Variants in CD180 observed in about 807,000 individuals in gnomAD.
The protein encoded by CD180 is CD180 molecule, also known as CD180 antigen.
In CD180, 11 loss-of-function variants were observed where a neutral mutation model predicts 10.7. The observed-to-expected ratio is 1.03, with a 90% CI of 0.65 to 1.70. CD180 has a LOEUF of 1.70. CD180 is among the 40% of genes most tolerant of loss of function. The pLI is 0.00. For synonymous variants in CD180, 286 were observed against 294.6 expected (o/e 0.97, Z 0.30); for missense variants, 729 against 775.2 (o/e 0.94, Z 0.71).
rs1017490160 is a variant in CD180 at position 67,182,552 on chromosome 5, G to A, written c.*305C>T. On this transcript the variant is annotated 3_prime_UTR_variant, in exon 3 of 3. Transcript: ENST00000256447. ...GAATGGCCTCCCTGTGGGAGACTCCGGGGCCGGCAGTCCCTGCCCAGTCCC... is the reference window on the plus strand; with the variant it reads ...GAATGGCCTCCCTGTGGGAGACTCCAGGGCCGGCAGTCCCTGCCCAGTCCC... 1.9e-5 allele frequency: 4 copies of A among 214,544 alleles called. No individual in the cohort carries two copies. Among genetic ancestry groups the A allele is most frequent in the East Asian group, 1.1e-4 (1 of 9,168 alleles). The allele number at this position is 214,544 out of a possible 1,614,324, so 13.3% of individuals were successfully genotyped here.
intron 1 of CD180, among the ~76,000 whole-genome samples, chr5:67,190,778 C>A (rs1392622382): frequency 6.6e-6 from 1 of 152,192 alleles, no homozygotes; most frequent in East Asian, 1.9e-4. Context: ...CCTTTTCCCT[C>A]TAGGTATTCA....
chr5:67,191,156 T>C, intron 1 of CD180: 1 of 933,394 alleles, frequency 1.1e-6, no homozygotes, highest in Non-Finnish European at 1.3e-6. Context: ...ATCTGATTCC[T>C]CCAGGCAAAG....
intron 1 of CD180, among the ~76,000 whole-genome samples, chr5:67,188,755 C>T (rs926438158): frequency 6.6e-6 from 1 of 152,194 alleles, no homozygotes; most frequent in Non-Finnish European, 1.5e-5. Context: ...CAGACATGCT[C>T]ATCTGCAGAA....
rs781424375 is a variant in CD180 at position 67,183,399 on chromosome 5, G to C, written c.1444C>G (p.Gln482Glu). 1 of 1,614,208 alleles carries C rather than the reference G, an allele frequency of 6.2e-7. No individual in the cohort carries two copies. The highest frequency in any genetic ancestry group is 1.1e-5 in the South Asian group (1 of 91,088). Residue 482 changes from glutamine (Q) to glutamate (E), a missense_variant, in exon 3 of 3, where the codon CAA (glutamine) becomes GAA (glutamate). By Grantham distance (29) the Gln-to-Glu change is conservative. Coordinates refer to ENST00000256447, the MANE Select transcript of CD180 (RefSeq NM_005582.3). The part of the protein sequence containing the change: ...RHLNLKGNHF[Q>E]DGTITKTNLL... ...TTGGTCTTCGTGATAGTCCCATCTT[G>C]AAAGTGATTCCCTTTTAAGTTGAGA...
Position 67,182,601 on chromosome 5 carries a change from C to T in CD180, c.*256G>A, listed in dbSNP as rs1308064975. On this transcript the variant is annotated 3_prime_UTR_variant, in exon 3 of 3. Transcript: ENST00000256447. ...CCTCCCTCTGCTTCCTCCCACTCTT[C>T]CACATGCGGAAAGGGCTCTGTGCCT... 1 of 306,448 alleles carries T rather than the reference C, an allele frequency of 3.3e-6. No individual in the cohort carries two copies. Among genetic ancestry groups the T allele is most frequent in the Non-Finnish European group, 6.0e-6 (1 of 166,264 alleles). The allele number at this position is 306,448 out of a possible 1,614,324, so 19.0% of individuals were successfully genotyped here. A position where few individuals can be genotyped will look rare whatever the true frequency, so the allele number is the denominator to read the frequency against.
At chr5:67,192,510 G>C (rs1321033878) in intron 1 of CD180, among the ~76,000 whole-genome samples, 1 of 152,194 alleles carries the variant, frequency 6.6e-6, no homozygotes, top group African/African-American at 2.4e-5. Context: ...CATCTGCTTG[G>C]CTTCTGGGGA....
intron 1 of CD180, chr5:67,186,359 G>T (rs1742194136): frequency 6.1e-6 from 1 of 164,096 alleles, no homozygotes; most frequent in Admixed American, 6.3e-5. Flanking sequence ...GGTGAAAAAA[G>T]CAAAATGCAG....
intron 1 of CD180, chr5:67,190,906 C>T: frequency 1.0e-6 from 1 of 985,006 alleles, no homozygotes. Context: ...ATTTGGAACT[C>T]TGAATTTCAC....
intron 1 of CD180, among the ~76,000 whole-genome samples, chr5:67,194,272 G>A (rs1401707906): frequency 6.6e-6 from 1 of 152,190 alleles, no homozygotes; most frequent in East Asian, 1.9e-4. Context: ...ATTTGCCTAA[G>A]ATGTTGGCAT....
chr5:67,191,548 A>G (rs921992571), intron 1 of CD180, among the ~76,000 whole-genome samples: 2 of 152,220 alleles, frequency 1.3e-5, no homozygotes, highest in African/African-American at 4.8e-5. Flanking sequence ...GGCCAAGCTG[A>G]GCTCACTTGA....
rs139668664 is a variant in CD180, at chr5:67,196,636, C to T, written c.6G>A (p.Ala2=). 1.2e-4 allele frequency: 190 copies of T among 1,613,742 alleles called. No individual in the cohort carries two copies. The highest frequency in any genetic ancestry group is 5.7e-4 in the African/African-American group (43 of 74,848). The change falls in exon 1 of 3, where the codon GCG becomes GCA. Residue 2 remains alanine (A), a synonymous_variant. Transcript: ENST00000256447. ...CCCAAAAGAAGCAGCTGACGTCAAA[C>T]GCCATCACAGGCTAGGATTGCTTGG... is the stretch of plus-strand genomic sequence containing the variant. M[A]FDVSCFFWVV...
Position 67,184,523 on chromosome 5 carries a change from A to C in CD180, c.320T>G (p.Val107Gly), listed in dbSNP as rs1193184317. 1.2e-6 allele frequency: 2 copies of C among 1,612,962 alleles called. No homozygotes were observed. Among genetic ancestry groups the C allele is most frequent in the Admixed American group, 3.3e-5 (2 of 60,002 alleles). The change falls in exon 3 of 3, where the codon GTG becomes GGG. Residue 107 changes from valine (V) to glycine (G), a missense_variant. By Grantham distance (109) the Val-to-Gly change is moderately radical. Transcript: ENST00000256447. The part of the protein sequence containing the change: ...FQSHHQLSTL[V>G]LTGNPLIFMA... ...GAATATCAGGGGATTTCCAGTTAAC[A>C]CAAGTGTGCTTAATTGATGATGGCT...
chr5:67,182,694 T>C lies in CD180; in HGVS notation c.*163A>G. On this transcript the variant is annotated 3_prime_UTR_variant, in exon 3 of 3. Transcript: ENST00000256447. The stretch of plus-strand genomic sequence containing the variant: ...ACTTGCCTAGAAGGTTCTTTAGCTC[T>C]GGGACTCACAGGAGTAAGAAGCTCA... 1.7e-6 allele frequency: 1 copy of C among 587,590 alleles called. No homozygotes were observed. Among genetic ancestry groups the C allele is most frequent in the Admixed American group, 3.1e-5 (1 of 32,076 alleles). The allele number at this position is 587,590 out of a possible 1,614,324, so 36.4% of individuals were successfully genotyped here. A position where few individuals can be genotyped will look rare whatever the true frequency, so the allele number is the denominator to read the frequency against.
rs762864117 is a variant in CD180 at position 67,184,197 on chromosome 5, G to T, written c.646C>A (p.Leu216Ile). 6.2e-7 allele frequency: 1 copy of T among 1,614,106 alleles called. No individual in the cohort carries two copies. Among genetic ancestry groups the T allele is most frequent in the East Asian group, 2.2e-5 (1 of 44,886 alleles). Residue 216 changes from leucine (L) to isoleucine (I), a missense_variant, in exon 3 of 3, where the codon CTT (leucine) becomes ATT (isoleucine). Transcript: ENST00000256447. The part of the protein sequence containing the change: ...FNGNNVKGIE[L>I]GAFDSTIFQS... ...AAGATCGTTGAATCAAAAGCCCCAAGCTCAATACCTTTAACATTATTGCCA... is the reference window on the plus strand; with the variant it reads ...AAGATCGTTGAATCAAAAGCCCCAATCTCAATACCTTTAACATTATTGCCA...
At chr5:67,188,918 C>T (rs1742251426) in intron 1 of CD180, among the ~76,000 whole-genome samples, 1 of 152,200 alleles carries the variant, frequency 6.6e-6, no homozygotes, top group African/African-American at 2.4e-5. Context: ...GAAATGCACA[C>T]TTCGCATTTA....
intron 1 of CD180, among the ~76,000 whole-genome samples, chr5:67,190,698 T>G (rs1242204538): frequency 6.6e-6 from 1 of 152,216 alleles, no homozygotes; most frequent in East Asian, 1.9e-4. Flanking sequence ...CACTGGGACC[T>G]GTGTCATCTG....
chr5:67,194,339 C>A (rs757236056), intron 1 of CD180, among the ~76,000 whole-genome samples: 9 of 152,120 alleles, frequency 5.9e-5, no homozygotes, highest in Non-Finnish European at 7.4e-5. Flanking sequence ...TTTGTGACTT[C>A]CCCAATTACT....
chr5:67,185,364 T>G (rs939839669), intron 2 of CD180, among the ~76,000 whole-genome samples: 5 of 152,026 alleles, frequency 3.3e-5, no homozygotes, highest in African/African-American at 1.2e-4. Flanking sequence ...CCTTATTTTC[T>G]TGTAATACTT....
Position 67,185,922 on chromosome 5 carries a change from A to C in CD180, c.186T>G (p.Phe62Leu), listed in dbSNP as rs1288510514. ...PNTTEFLEFS[F>L]NFLPTIHNRT... ...TATTGTGAATTGTAGGCAAAAAATT[A>C]AAGCTGAATTCCAAAAATTCTGTTG... Residue 62 changes from phenylalanine to leucine, a missense_variant, in exon 2 of 3, where the codon TTT becomes TTG. Physicochemically the swap from Phe to Leu is conservative, Grantham distance 22 (BLOSUM62 0). Coordinates refer to ENST00000256447, the MANE Select transcript of CD180 (RefSeq NM_005582.3). The C allele has an allele frequency of 6.2e-7, 1 of 1,612,052 alleles. No individual in the cohort carries two copies. Among genetic ancestry groups the C allele is most frequent in the Non-Finnish European group, 8.5e-7 (1 of 1,178,804 alleles).
Sources: gnomAD v4.1 joint callset for allele counts (sites outside exome capture counted in the v4.1 genomes callset) on GRCh38, gnomAD v4.1.1 for gene constraint, MANE v1.5 for transcripts, NCBI Gene and HGNC (gene_info 2026-07-23, HGNC 2026-07-21) for gene names.